The following FNIP1 variants were observed in gnomAD, a reference collection of about 807,000 sequenced individuals.
FNIP1 encodes folliculin-interacting protein 1.
In FNIP1, 40 loss-of-function variants were observed where a neutral mutation model predicts 124.5. That is an observed-to-expected ratio of 0.32 (90% confidence interval 0.25 to 0.42). The LOEUF (loss-of-function observed/expected upper bound fraction) is 0.42, where lower values mean the gene tolerates loss of function less well. Among genes scored for constraint, FNIP1 ranks in the 10% least tolerant of loss-of-function variants. The pLI is 1.00. For synonymous variants in FNIP1, 472 were observed against 470.6 expected (o/e 1.00, Z -0.04); for missense variants, 1,176 against 1,403.7 (o/e 0.84, Z 2.59).
chr5:131,693,888 A>C (rs1447452677), intron 11 of FNIP1, among the ~76,000 whole-genome samples: 1 of 152,168 alleles, frequency 6.6e-6, no homozygotes, highest in East Asian at 1.9e-4. Context: ...CAATAAGAAA[A>C]AAAAGCCAAC....
chr5:131,706,354 T>G (rs1333626398), intron 9 of FNIP1, 57 bp downstream of exon 9: 75 of 1,461,808 alleles, frequency 5.1e-5, no homozygotes, highest in Non-Finnish European at 6.6e-5. Context: ...AAAACCCATA[T>G]AAAATTGTGT....
chr5:131,697,800 T>C (rs1418200890), intron 11 of FNIP1, among the ~76,000 whole-genome samples: 1 of 151,012 alleles, frequency 6.6e-6, no homozygotes, highest in Non-Finnish European at 1.5e-5. Flanking sequence ...ACCCCGTCTC[T>C]ACTAAAAATA....
chr5:131,699,058 G>A, intron 10 of FNIP1, 56 bp from the exon 11 acceptor site: 1 of 1,439,084 alleles, frequency 6.9e-7, no homozygotes, highest in Non-Finnish European at 9.5e-7. Context: ...GCAAAACATG[G>A]AAAAAAGTCT....
At chr5:131,698,671 T>C (rs1768787153) in intron 11 of FNIP1, among the ~76,000 whole-genome samples, 1 of 152,222 alleles carries the variant, frequency 6.6e-6, no homozygotes, top group African/African-American at 2.4e-5. Context: ...ACAAGGGTCT[T>C]TCCTGGTCAT....
intron 3 of FNIP1, among the ~76,000 whole-genome samples, chr5:131,727,751 T>G (rs888674570): frequency 2.6e-5 from 4 of 152,242 alleles, no homozygotes; most frequent in Non-Finnish European, 5.9e-5. Context: ...GCCTGTTTGT[T>G]CATGCTGTTT....
intron 11 of FNIP1, among the ~76,000 whole-genome samples, chr5:131,693,307 TATATATATACACATATATATATATAC>T (rs1297112934): frequency 1.0e-4 from 3 of 29,246 alleles, no homozygotes; most frequent in Admixed American, 4.3e-4. Flanking sequence ...CATATATATA[TATATATATACACATATATATATATAC>T]ATATATATAT....
At chr5:131,775,025 T>A (rs1412250576) in intron 1 of FNIP1, among the ~76,000 whole-genome samples, 4 of 152,230 alleles carry the variant, frequency 2.6e-5, no homozygotes, top group African/African-American at 9.6e-5. Context: ...GGTATTAAGG[T>A]ATATAAAAAT....
At chr5:131,713,531 A>G (rs1331105093) in intron 6 of FNIP1, among the ~76,000 whole-genome samples, 1 of 152,208 alleles carries the variant, frequency 6.6e-6, no homozygotes, top group Non-Finnish European at 1.5e-5. Context: ...TAAATTATTA[A>G]ACACTCATCC....
intron 7 of FNIP1, among the ~76,000 whole-genome samples, chr5:131,709,854 GAAAATATT>G: frequency 6.6e-6 from 1 of 152,158 alleles, no homozygotes; most frequent in East Asian, 1.9e-4. Flanking sequence ...TACAGGGAAA[GAAAATATT>G]AATCAAAACA....
At chr5:131,762,341 C>T (rs1218499632) in intron 1 of FNIP1, among the ~76,000 whole-genome samples, 3 of 152,076 alleles carry the variant, frequency 2.0e-5, no homozygotes, top group Non-Finnish European at 4.4e-5. Flanking sequence ...TATTTGCAAA[C>T]CACCCATCTG....
intron 10 of FNIP1, among the ~76,000 whole-genome samples, chr5:131,699,799 C>T (rs1244729824): frequency 6.6e-6 from 1 of 150,404 alleles, no homozygotes; most frequent in Non-Finnish European, 1.5e-5. Flanking sequence ...GCCTGTAATC[C>T]CAGCTATGAA....
intron 15 of FNIP1, among the ~76,000 whole-genome samples, chr5:131,659,710 G>GTAT (rs751576388): frequency 4.9e-4 from 74 of 152,226 alleles, no homozygotes; most frequent in Non-Finnish European, 8.8e-4. Context: ...ACATGGCCTG[G>GTAT]ATGGCCATAT....
intron 9 of FNIP1, among the ~76,000 whole-genome samples, chr5:131,705,339 G>T (rs1401645609): frequency 6.6e-6 from 1 of 151,948 alleles, no homozygotes; most frequent in Non-Finnish European, 1.5e-5. Context: ...GCCAGGTGTG[G>T]TGGCAAGCCT....
intron 11 of FNIP1, among the ~76,000 whole-genome samples, chr5:131,681,041 A>C (rs1768061032): frequency 6.6e-6 from 1 of 152,284 alleles, no homozygotes; most frequent in East Asian, 1.9e-4. Context: ...AGACTAATTC[A>C]AAGTCCATAA....
chr5:131,680,848 C>A (rs565554756), intron 11 of FNIP1, among the ~76,000 whole-genome samples: 105 of 152,138 alleles, frequency 6.9e-4, no homozygotes, highest in African/African-American at 2.4e-3. Context: ...TTCTGGAATA[C>A]AAACATATGG....
chr5:131,654,431 ACT>A, intron 15 of FNIP1, among the ~76,000 whole-genome samples: 1 of 152,190 alleles, frequency 6.6e-6, no homozygotes, highest in Non-Finnish European at 1.5e-5. Context: ...ACAAAAGTTT[ACT>A]CCTGGATAAG....
chr5:131,719,358 T>C lies in FNIP1; in HGVS notation c.414A>G (p.Ala138=). The C allele has an allele frequency of 6.2e-7, 1 of 1,613,766 alleles. No individual in the cohort carries two copies. The change falls in exon 4 of 18, where the codon GCA becomes GCG. Residue 138 remains alanine (A), a synonymous_variant. Transcript: ENST00000510461. ...MLGEMMFGSV[A]MSYKGSTLKI... is the part of the protein sequence containing the mutation. ...TTAAGGTGGATCCTTTGTAGCTCAT[T>C]GCTACTGAGCCAAACATCATCTCTC...
At position 131,672,336 on chromosome 5, in the gene FNIP1, T is replaced by G. The variant is rs1310806631; in HGVS notation, c.2108A>C (p.Glu703Ala). The change falls in exon 14 of 18, where the codon GAG (glutamate) becomes GCG (alanine). Residue 703 changes from glutamate to alanine, a missense_variant. Glu to Ala is a moderately radical substitution (Grantham distance 107). Transcript: ENST00000510461. Reference sequence around the variant, plus strand: ...CAACTTCTCACTCTGCCATGTTTCCTCTGTTGACTCTAAGCCTGACTCTGA... The same window carrying G: ...CAACTTCTCACTCTGCCATGTTTCCGCTGTTGACTCTAAGCCTGACTCTGA... ...ALSESGLEST[E>A]ETWQSEKLLD... 1 of 1,614,098 alleles carries G rather than the reference T, an allele frequency of 6.2e-7. No individual in the cohort carries two copies. Among genetic ancestry groups the G allele is most frequent in the African/African-American group, 1.3e-5 (1 of 74,938 alleles).
At chr5:131,698,419 G>A (rs2149529668) in intron 11 of FNIP1, among the ~76,000 whole-genome samples, 1 of 152,276 alleles carries the variant, frequency 6.6e-6, no homozygotes, top group East Asian at 1.9e-4. Context: ...GCAGTTGTTG[G>A]GGCTTCAGGT....
Sources: gnomAD v4.1 joint callset for allele counts (sites outside exome capture counted in the v4.1 genomes callset) on GRCh38, gnomAD v4.1.1 for gene constraint, MANE v1.5 for transcripts, NCBI Gene and HGNC (gene_info 2026-07-23, HGNC 2026-07-21) for gene names.